HLA-G: variants seen among roughly 807,000 people sequenced by gnomAD.
HLA-G encodes major histocompatibility complex, class I, G.
Under a neutral mutation model 39.3 loss-of-function variants are expected in HLA-G, and 34 were observed. The ratio of observed to expected loss-of-function variants is 0.86; its 90% confidence interval spans 0.66 to 1.15. HLA-G has a LOEUF of 1.15. HLA-G is among the 50% of genes most tolerant of loss of function. HLA-G has a pLI of 0.00. For synonymous variants in HLA-G, 183 were observed against 185.8 expected (o/e 0.99, Z 0.12); for missense variants, 419 against 456.4 (o/e 0.92, Z 0.75).
chr6:29,828,594 G>C lies in HLA-G; in HGVS notation c.395G>C (p.Arg132Pro). 1 of 1,613,098 alleles carries C rather than the reference G, an allele frequency of 6.2e-7. No individual in the cohort carries two copies. Among genetic ancestry groups the C allele is most frequent in the Non-Finnish European group, 8.5e-7 (1 of 1,180,016 alleles). Residue 132 changes from arginine to proline, a missense_variant, in exon 3 of 7, where the codon CGC (arginine) becomes CCC (proline). By Grantham distance (103) the Arg-to-Pro change is moderately radical. This residue lies in a region of HLA-G where 328 missense variants were observed against 323.0 expected (regional missense o/e 1.02). Coordinates refer to ENST00000360323, the MANE Select transcript of HLA-G (RefSeq NM_001384290.1). The part of the protein sequence containing the change: ...MIGCDLGSDG[R>P]LLRGYEQYAY... ...GGCTGCGACCTGGGGTCCGACGGACGCCTCCTCCGCGGGTATGAACAGTAT... is the reference window on the plus strand; with the variant it reads ...GGCTGCGACCTGGGGTCCGACGGACCCCTCCTCCGCGGGTATGAACAGTAT...
In HLA-G at chr6:29,828,325, C is replaced by A. The variant is rs752628469; in HGVS notation, c.343+9C>A. Reference sequence around the variant, plus strand: ...CAACCAGAGCGAGGCCAGTGAGTAACTCCGGCCCAGGGAGCAGATCACGAC... The same window carrying A: ...CAACCAGAGCGAGGCCAGTGAGTAAATCCGGCCCAGGGAGCAGATCACGAC... On this transcript the variant is annotated intron_variant, in intron 2 of 6. Transcript: ENST00000360323. The A allele has an allele frequency of 1.9e-6, 3 of 1,604,760 alleles. No homozygotes were observed. The highest frequency in any genetic ancestry group is 1.1e-5 in the South Asian group (1 of 90,152).
At chr6:29,829,326 C>A in intron 3 of HLA-G, 92 bp from the exon 4 acceptor site, 1 of 1,398,668 alleles carries the variant, frequency 7.1e-7, no homozygotes, top group African/African-American at 1.4e-5. Context: ...CCCCAGGTAT[C>A]TGGTTCATTC....
At chr6:29,828,952 T>C in intron 3 of HLA-G, 134 bp downstream of exon 3, 1 of 1,205,992 alleles carries the variant, frequency 8.3e-7, no homozygotes, top group African/African-American at 1.5e-5. Context: ...GGAATCCTCC[T>C]GGGTTTCCAG....
upstream of HLA-G, among the ~76,000 whole-genome samples, chr6:29,826,550 G>A (rs1760704647): frequency 6.6e-6 from 1 of 152,196 alleles, no homozygotes; most frequent in African/African-American, 2.4e-5. Context: ...GTTCAGGAGT[G>A]AGAGGGTGGT....
Position 29,828,790 on chromosome 6 carries a change from G to A in HLA-G, c.591G>A (p.Glu197=), listed in dbSNP as rs1479987627. Residue 197 remains glutamate (E), a synonymous_variant, in exon 3 of 7, where the codon GAG becomes GAA. Transcript: ENST00000360323. ...TGGAGTGGCTCCACAGATACCTGGA[G>A]AACGGGAAGGAGATGCTGCAGCGCG... is the stretch of plus-strand genomic sequence containing the variant. The part of the protein sequence containing the change: ...TCVEWLHRYL[E]NGKEMLQRAD... The A allele has an allele frequency of 7.4e-6, 12 of 1,614,114 alleles. 1 individual carries two copies. The highest frequency in any genetic ancestry group is 5.5e-5 in the South Asian group (5 of 91,090).
chr6:29,827,500 C>T (rs1054493380), upstream of HLA-G: 12 of 374,286 alleles, frequency 3.2e-5, no homozygotes, highest in African/African-American at 1.7e-4. Context: ...GAGGGTTTCT[C>T]CCTGGTTTCT....
In HLA-G at chr6:29,829,604, C is replaced by A; in HGVS notation, c.806C>A (p.Ala269Glu). The A allele has an allele frequency of 6.2e-7, 1 of 1,614,050 alleles. No homozygotes were observed. ...PAGDGTFQKW[A>E]AVVVPSGEEQ... is the part of the protein sequence containing the mutation. ...GGGGATGGAACCTTCCAGAAGTGGGCAGCTGTGGTGGTGCCTTCTGGAGAG... is the reference window on the plus strand; with the variant it reads ...GGGGATGGAACCTTCCAGAAGTGGGAAGCTGTGGTGGTGCCTTCTGGAGAG... Residue 269 changes from alanine (A) to glutamate (E), a missense_variant, in exon 4 of 7, where the codon GCA becomes GAA. Around this residue, in one of 2 missense-constraint regions of HLA-G, gnomAD observed 328 missense variants for 323.0 expected, o/e 1.02. Transcript: ENST00000360323.
Position 29,827,913 on chromosome 6 carries a change from G to C in HLA-G, c.69G>C (p.Trp23Cys). ...GGGCCCTGACCCTGACCGAGACCTG[G>C]GCGGGTGAGTGCGGGGTCAGGAGGG... The part of the protein sequence containing the change: ...LSGALTLTET[W>C]AGSHSMRYFS... The change falls in exon 1 of 7, where the codon TGG becomes TGC. Residue 23 changes from tryptophan (W) to cysteine (C), a missense_variant. This residue lies in a region of HLA-G where 91 missense variants were observed against 133.4 expected (regional missense o/e 0.68). Transcript: ENST00000360323. 6.2e-7 allele frequency: 1 copy of C among 1,611,350 alleles called. No individual in the cohort carries two copies. Among genetic ancestry groups the C allele is most frequent in the Middle Eastern group, 1.7e-4 (1 of 5,858 alleles).
Position 29,830,417 on chromosome 6 carries a change from A to G in HLA-G, c.*28+7A>G, listed in dbSNP as rs767702180. 8.7e-6 allele frequency: 14 copies of G among 1,611,790 alleles called. No homozygotes were observed. Among genetic ancestry groups the G allele is most frequent in the Non-Finnish European group, 1.1e-5 (13 of 1,177,914 alleles). On this transcript the variant is annotated splice_region_variant and intron_variant, in intron 6 of 6. Coordinates refer to ENST00000360323, the MANE Select transcript of HLA-G (RefSeq NM_001384290.1). ...AGCTACTCTCAGGCTGCAAGTAAGT[A>G]TGAAGGAGGCTGATCCCTGAGATCC...
chr6:29,826,949 C>G, upstream of HLA-G: 1 of 481,458 alleles, frequency 2.1e-6, no homozygotes, highest in Non-Finnish European at 4.3e-6. Context: ...AAAGTTTGTG[C>G]TGGCTCCTGG....
rs148951074 is a variant in HLA-G at position 29,827,844 on chromosome 6, G to A, written c.-1G>A. ...GGACTCATTCTCCCCAGACGCCAAGGATGGTGGTCATGGCGCCCCGAACCC... is the reference window on the plus strand; with the variant it reads ...GGACTCATTCTCCCCAGACGCCAAGAATGGTGGTCATGGCGCCCCGAACCC... On this transcript the variant is annotated 5_prime_UTR_variant, in exon 1 of 7. Coordinates refer to ENST00000360323, the MANE Select transcript of HLA-G (RefSeq NM_001384290.1). 1 of 1,612,964 alleles carries A rather than the reference G, an allele frequency of 6.2e-7. No individual in the cohort carries two copies. The highest frequency in any genetic ancestry group is 1.7e-5 in the Admixed American group (1 of 59,992).
At chr6:29,829,717 A>G (rs1761102256) in intron 4 of HLA-G, 24 bp downstream of exon 4, 17 of 1,610,448 alleles carry the variant, frequency 1.1e-5, no homozygotes, top group Middle Eastern at 1.7e-4. Context: ...TGGAGGCATC[A>G]TGTCTGTTAG....
intron 6 of HLA-G, 115 bp downstream of exon 6, chr6:29,830,525 A>T: frequency 2.1e-6 from 2 of 942,304 alleles, no homozygotes; most frequent in Non-Finnish European, 3.5e-6. Flanking sequence ...GTGGTCTCTG[A>T]CCAGGTGCTG....
intron 3 of HLA-G, 124 bp from the exon 4 acceptor site, chr6:29,829,294 G>C: frequency 9.4e-7 from 1 of 1,069,492 alleles, no homozygotes; most frequent in Non-Finnish European, 1.4e-6. Context: ...GCTGGTGTCT[G>C]GGTTCTGTGC....
In HLA-G at chr6:29,828,017, G is replaced by A. The variant is rs539643749; in HGVS notation, c.74-30G>A. The A allele has an allele frequency of 1.2e-4, 187 of 1,604,054 alleles. 6 individuals are homozygous for A. The South Asian group carries it at 1.4e-3, about 12-fold the overall frequency. ...CGGCAGCCGCGCCGGGAGGAGGGTC[G>A]GGCGGGTCTCAACCCCTCCTCGCCC... On this transcript the variant is annotated intron_variant, in intron 1 of 6. Coordinates refer to ENST00000360323, the MANE Select transcript of HLA-G (RefSeq NM_001384290.1).
At chr6:29,828,502 C>A in intron 2 of HLA-G, 41 bp from the exon 3 acceptor site, 1 of 1,597,306 alleles carries the variant, frequency 6.3e-7, no homozygotes, top group Non-Finnish European at 8.5e-7. Context: ...CGGGCGAGGG[C>A]GAGGCTCGGT....
In HLA-G at chr6:29,828,794, G is replaced by C; in HGVS notation, c.595G>C (p.Gly199Arg). Residue 199 changes from glycine (G) to arginine (R), a missense_variant, in exon 3 of 7, where the codon GGG becomes CGG. Gly to Arg is a moderately radical substitution (Grantham distance 125). This residue lies in a region of HLA-G where 328 missense variants were observed against 323.0 expected (regional missense o/e 1.02). Coordinates refer to ENST00000360323, the MANE Select transcript of HLA-G (RefSeq NM_001384290.1). Reference protein sequence around the residue: ...VEWLHRYLENGKEMLQRADPP... With the variant: ...VEWLHRYLENRKEMLQRADPP... ...GTGGCTCCACAGATACCTGGAGAAC[G>C]GGAAGGAGATGCTGCAGCGCGCGGG... is the stretch of plus-strand genomic sequence containing the variant. 6.2e-7 allele frequency: 1 copy of C among 1,609,546 alleles called. No homozygotes were observed. Among genetic ancestry groups the C allele is most frequent in the Middle Eastern group, 1.7e-4 (1 of 6,048 alleles).
intron 6 of HLA-G, 22 bp from the exon 7 acceptor site, chr6:29,830,746 G>T (rs1452439479): frequency 7.4e-6 from 4 of 537,068 alleles, no homozygotes; most frequent in African/African-American, 1.9e-5. Context: ...ATATGAATTT[G>T]TTCATGAATA....
At position 29,830,898 on chromosome 6, in the gene HLA-G, A is replaced by G; in HGVS notation, c.*159A>G. The G allele has an allele frequency of 3.0e-6, 1 of 328,480 alleles. No homozygotes were observed. Among genetic ancestry groups the G allele is most frequent in the South Asian group, 2.2e-5 (1 of 44,956 alleles). 20.3% of individuals were successfully genotyped at this position (328,480 alleles called of 1,614,324 possible). The stretch of plus-strand genomic sequence containing the variant: ...GACCCTCTTCCTCATGCTGAACTGC[A>G]TTCCTTCCCCAATCACCTTTCCTGT... On this transcript the variant is annotated 3_prime_UTR_variant, in exon 7 of 7. Coordinates refer to ENST00000360323, the MANE Select transcript of HLA-G (RefSeq NM_001384290.1).
Sources: allele counts gnomAD v4.1 joint callset (sites outside exome capture counted in the v4.1 genomes callset), GRCh38; gene constraint gnomAD v4.1.1; regional missense constraint gnomAD v4.1.1; transcripts MANE v1.5; gene names NCBI Gene and HGNC (gene_info 2026-07-23, HGNC 2026-07-21).